The following TAB1 variants were observed in gnomAD, a reference collection of about 807,000 sequenced individuals.
TAB1 encodes TGF-beta-activated kinase 1 and MAP3K7-binding protein 1.
TAB1 carries 30 observed loss-of-function variants against 54.5 expected under a neutral mutation model. The observed-to-expected ratio is 0.55, with a 90% CI of 0.41 to 0.75. TAB1 has a LOEUF of 0.75. TAB1 is among the 30% of genes least tolerant of loss of function. The pLI, the probability that TAB1 is intolerant of heterozygous loss-of-function variation, is 0.00. For missense variants in TAB1, 609 were observed against 683.2 expected (o/e 0.89, Z 1.21); for synonymous variants, 289 against 286.9 (o/e 1.01, Z -0.07).
Position 39,415,036 on chromosome 22 carries a change from CCT to C in TAB1, c.69_70del (p.Cys24ProfsTer16), listed in dbSNP as rs774900821. 6.2e-7 allele frequency: 1 copy of C among 1,614,106 alleles called. No homozygotes were observed. ...EQQPSWTDDLPLCHLSGVGSA... is the reference protein window; with the variant it reads ...EQQPSWTDDLXLCHLSGVGSA... ...GCAGCCAAGCTGGACAGATGACCTGCCTCTCTGCCACCTCTCTGGGGTTGGCT... is the reference window on the plus strand; with the variant it reads ...GCAGCCAAGCTGGACAGATGACCTGCCTCTGCCACCTCTCTGGGGTTGGCT... On this transcript the variant is annotated frameshift_variant, in exon 2 of 11. Transcript: ENST00000216160. LOFTEE classifies it high-confidence loss of function. This position sits in a 1 kb window ranked among gnomAD's most constrained non-coding sequence, Gnocchi z 4.9.
chr22:39,421,289 C>T (rs1927078875), intron 7 of TAB1, among the ~76,000 whole-genome samples: 1 of 152,178 alleles, frequency 6.6e-6, no homozygotes, highest in Non-Finnish European at 1.5e-5. Context: ...GACGGACCCT[C>T]AGGAAGTTCT....
downstream of TAB1, chr22:39,432,905 G>A (rs1927641923): frequency 1.0e-6 from 1 of 985,320 alleles, no homozygotes; most frequent in Non-Finnish European, 1.2e-6. Flanking sequence ...GGGAAGCTCG[G>A]GAATGGGTTT....
chr22:39,427,766 G>A (rs1396502853), intron 9 of TAB1, among the ~76,000 whole-genome samples: 2 of 152,284 alleles, frequency 1.3e-5, no homozygotes, highest in Middle Eastern at 3.4e-3. Flanking sequence ...TTTCCTTGAG[G>A]CAACTCGAGC....
rs572135125 is a variant in TAB1 at position 39,420,653 on chromosome 22, T to C, written c.776+1023T>C. On this transcript the variant is annotated intron_variant, in intron 7 of 10. Coordinates refer to ENST00000216160, the MANE Select transcript of TAB1 (RefSeq NM_006116.3). ...ACACTTCAGACAGTGCTGGGGTCTATACAGGGAAAGGAAGTCTTCCTACAC... is the reference window on the plus strand; with the variant it reads ...ACACTTCAGACAGTGCTGGGGTCTACACAGGGAAAGGAAGTCTTCCTACAC... Among the ~76,000 whole-genome samples, 6 of 152,294 alleles carry C rather than the reference T, an allele frequency of 3.9e-5. No individual in the cohort carries two copies. The South Asian group carries it at 1.2e-3, about 32-fold the overall frequency.
Position 39,428,479 on chromosome 22 carries a change from G to C in TAB1, c.1307+296G>C, listed in dbSNP as rs534999964. Among the ~76,000 whole-genome samples the C allele has an allele frequency of 1.2e-4, 19 of 152,332 alleles. No homozygotes were observed. In the South Asian group the frequency reaches 3.7e-3, roughly 30 times the overall value. On this transcript the variant is annotated intron_variant, in intron 10 of 10. Transcript: ENST00000216160. Reference sequence around the variant, plus strand: ...CCTCACCTCGGTGTGATGTGGGGTGGCTTCCTGTGGTGTCCTTGCTTGAGG... The same window carrying C: ...CCTCACCTCGGTGTGATGTGGGGTGCCTTCCTGTGGTGTCCTTGCTTGAGG...
chr22:39,436,730 C>G, downstream of TAB1: 1 of 617,878 alleles, frequency 1.6e-6, no homozygotes, highest in Non-Finnish European at 2.9e-6. Flanking sequence ...TCTGTGTCCA[C>G]TGAGGCTTCC....
At chr22:39,420,643 C>G (rs1191010759) in intron 7 of TAB1, among the ~76,000 whole-genome samples, 3 of 152,156 alleles carry the variant, frequency 2.0e-5, no homozygotes, top group Admixed American at 1.3e-4. Context: ...TCAGACAGTG[C>G]TGGGGTCTAT....
At chr22:39,436,845 G>A, downstream of TAB1, 1 of 443,576 alleles carries the variant, frequency 2.3e-6, no homozygotes, top group South Asian at 3.1e-5. Context: ...CAGGGCTCTT[G>A]GAACTTGGTC....
intron 1 of TAB1, among the ~76,000 whole-genome samples, chr22:39,405,965 A>T (rs1926345401): frequency 6.6e-6 from 1 of 152,214 alleles, no homozygotes; most frequent in African/African-American, 2.4e-5. Context: ...ATTGGATCTA[A>T]GACACCAATG....
chr22:39,417,900 CAG>C, intron 5 of TAB1, 51 bp downstream of exon 5: 1 of 1,552,458 alleles, frequency 6.4e-7, no homozygotes, highest in Non-Finnish European at 8.7e-7. Flanking sequence ...AGGTCAGCCA[CAG>C]GGGTCGGTGC....
chr22:39,418,886 C>T, intron 6 of TAB1, 41 bp downstream of exon 6: 2 of 1,512,604 alleles, frequency 1.3e-6, no homozygotes, highest in Non-Finnish European at 1.8e-6. Flanking sequence ...TCCCCATGGG[C>T]TCACCCTTCG....
At chr22:39,421,636 G>A in intron 7 of TAB1, 191 bp from the exon 8 acceptor site, 3 of 650,408 alleles carry the variant, frequency 4.6e-6, no homozygotes, top group Non-Finnish European at 7.7e-6. Flanking sequence ...GGCCTTCCAA[G>A]CTTTATTTTA....
intron 1 of TAB1, among the ~76,000 whole-genome samples, chr22:39,402,936 C>CTT (rs1258529961): frequency 6.6e-6 from 1 of 152,232 alleles, no homozygotes; most frequent in East Asian, 1.9e-4. Context: ...CTCATACTGG[C>CTT]TTTGGGCAAA....
intron 1 of TAB1, among the ~76,000 whole-genome samples, chr22:39,406,751 G>A (rs544802054): frequency 1.1e-4 from 17 of 152,012 alleles, no homozygotes; most frequent in Non-Finnish European, 2.2e-4. Flanking sequence ...TCCTGCCTCC[G>A]CCTCTGGAGT....
rs915757027 is a variant in TAB1 at position 39,416,939 on chromosome 22, G to C, written c.411+62G>C. ...CAGGCCCAGCTTTGCAAGGAGCATG[G>C]ACTCATCTACTTTCTTGACATTACT... On this transcript the variant is annotated intron_variant, in intron 4 of 10. Coordinates refer to ENST00000216160, the MANE Select transcript of TAB1 (RefSeq NM_006116.3). 1.7e-5 allele frequency: 26 copies of C among 1,515,368 alleles called. No individual in the cohort carries two copies. The African/African-American group carries it at 3.2e-4, about 18-fold the overall frequency. 93.9% of individuals were successfully genotyped at this position (1,515,368 alleles called of 1,614,324 possible). A position where few individuals can be genotyped will look rare whatever the true frequency, so the allele number is the denominator to read the frequency against.
In TAB1 at chr22:39,427,011, C is replaced by T. The variant is rs113230786; in HGVS notation, c.1144+86C>T. 3.2e-4 allele frequency: 423 copies of T among 1,321,144 alleles called. 1 individual carries two copies. Among genetic ancestry groups the T allele is most frequent in the Non-Finnish European group, 3.4e-4 (333 of 966,498 alleles). 81.8% of individuals were successfully genotyped at this position (1,321,144 alleles called of 1,614,324 possible). ...GCAGAGCCCCCGAGGCTGCTTGAAA[C>T]GGAGATGGAGTCAGGAGGCCTGGCT... On this transcript the variant is annotated intron_variant, in intron 9 of 10. Transcript: ENST00000216160.
At chr22:39,427,892 C>G in intron 9 of TAB1, 129 bp from the exon 10 acceptor site, 1 of 895,324 alleles carries the variant, frequency 1.1e-6, no homozygotes, top group Non-Finnish European at 1.6e-6. Context: ...GCTTGGGGAG[C>G]CAGGCATGGC....
intron 1 of TAB1, among the ~76,000 whole-genome samples, chr22:39,402,431 G>A (rs1384010517): frequency 6.6e-6 from 1 of 152,234 alleles, no homozygotes; most frequent in African/African-American, 2.4e-5. Context: ...ATTGGTCTGG[G>A]TCAGTGGAGG....
Position 39,430,850 on chromosome 22 carries a change from GA to G in TAB1, c.*629del, listed in dbSNP as rs1222003802. Reference sequence around the variant, plus strand: ...CAGAAGGGGCAGGCCAGGTGGAAAGGAGCCAGGGGGAAGTGGTCTAAGAGAC... The same window carrying G: ...CAGAAGGGGCAGGCCAGGTGGAAAGGGCCAGGGGGAAGTGGTCTAAGAGAC... On this transcript the variant is annotated 3_prime_UTR_variant, in exon 11 of 11. Transcript: ENST00000216160. 2.0e-6 allele frequency: 2 copies of G among 990,500 alleles called. No homozygotes were observed. The highest frequency in any genetic ancestry group is 3.5e-5 in the African/African-American group (2 of 57,320). 61.4% of individuals were successfully genotyped at this position (990,500 alleles called of 1,614,324 possible).
Sources: allele counts gnomAD v4.1 joint callset (sites outside exome capture counted in the v4.1 genomes callset), GRCh38; gene constraint gnomAD v4.1.1; non-coding constraint Gnocchi (gnomAD v3.1); transcripts MANE v1.5; gene names NCBI Gene and HGNC (gene_info 2026-07-23, HGNC 2026-07-21).